GRID2: variants seen among roughly 807,000 people sequenced by gnomAD.
GRID2 encodes glutamate ionotropic receptor delta type subunit 2.
GRID2 carries 33 observed loss-of-function variants against 114.8 expected under a neutral mutation model. The observed-to-expected ratio is 0.29, with a 90% CI of 0.22 to 0.38. The LOEUF is 0.38. GRID2 is among the 10% of genes least tolerant of loss of function. The probability of loss-of-function intolerance (pLI) is 1.00; values close to 1 mark genes in which losing one functional copy is unlikely to be tolerated. For missense variants in GRID2, 1,184 were observed against 1,257.7 expected, an observed-to-expected ratio of 0.94 and a Z score of 0.89; for synonymous variants, 505 against 449.9, an observed-to-expected ratio of 1.12 and a Z score of -1.55.
chr4:92,707,627 T>A (rs1735015507), intron 2 of GRID2, among the ~76,000 whole-genome samples: 1 of 152,146 alleles, frequency 6.6e-6, no homozygotes, highest in Admixed American at 6.5e-5. Context: ...AAAGAGGCAT[T>A]TGAGAGGAAG....
At chr4:93,042,203 G>A (rs1030462303) in intron 2 of GRID2, among the ~76,000 whole-genome samples, 4 of 149,992 alleles carry the variant, frequency 2.7e-5, no homozygotes, top group East Asian at 4.0e-4. Flanking sequence ...GCACCCGGCC[G>A]AAATATACAT....
chr4:93,235,271 T>A (rs1402130173), intron 7 of GRID2, among the ~76,000 whole-genome samples: 1 of 152,184 alleles, frequency 6.6e-6, no homozygotes, highest in Non-Finnish European at 1.5e-5. Context: ...AGGTTTACTC[T>A]GGCAGCAATT....
chr4:93,512,721 G>A (rs1270009342), intron 12 of GRID2, among the ~76,000 whole-genome samples: 1 of 152,126 alleles, frequency 6.6e-6, no homozygotes, highest in Non-Finnish European at 1.5e-5. Context: ...AACACCAGGA[G>A]CTTCACATGG....
intron 13 of GRID2, among the ~76,000 whole-genome samples, chr4:93,527,993 G>T (rs1398982743): frequency 1.3e-5 from 2 of 151,894 alleles, no homozygotes; most frequent in Admixed American, 1.3e-4. Context: ...TCTTCACTTA[G>T]CATAATGTCC....
intron 8 of GRID2, among the ~76,000 whole-genome samples, chr4:93,362,811 A>G (rs1277959627): frequency 1.3e-5 from 2 of 152,174 alleles, no homozygotes; most frequent in Non-Finnish European, 2.9e-5. Flanking sequence ...GTGCCTGTGA[A>G]TCCCAGTAGT....
intron 2 of GRID2, among the ~76,000 whole-genome samples, chr4:92,642,226 T>A: frequency 6.6e-6 from 1 of 151,810 alleles, no homozygotes; most frequent in East Asian, 1.9e-4. Flanking sequence ...TCCAAATTGC[T>A]ATCTACAGTG....
intron 2 of GRID2, among the ~76,000 whole-genome samples, chr4:92,875,330 A>T (rs1039082101): frequency 5.9e-5 from 9 of 151,566 alleles, no homozygotes; most frequent in African/African-American, 2.2e-4. Flanking sequence ...CACCCGGCTA[A>T]TTTTTTTCTA....
intron 2 of GRID2, among the ~76,000 whole-genome samples, chr4:92,730,529 T>C (rs1736282102): frequency 6.6e-6 from 1 of 152,022 alleles, no homozygotes; most frequent in South Asian, 2.1e-4. Context: ...ATTTACAATA[T>C]GATCTCAAAC....
At chr4:93,030,447 C>T (rs1840716) in intron 2 of GRID2, among the ~76,000 whole-genome samples, 1 of 150,194 alleles carries the variant, frequency 6.7e-6, no homozygotes, top group Non-Finnish European at 1.5e-5. Flanking sequence ...TGCCATGGCT[C>T]AATCTCAGCT....
intron 2 of GRID2, among the ~76,000 whole-genome samples, chr4:92,732,034 T>C (rs988614220): frequency 8.6e-5 from 13 of 151,868 alleles, no homozygotes; most frequent in African/African-American, 3.1e-4. Flanking sequence ...TATTTAAAAA[T>C]GGGGAAGATA....
At chr4:93,249,172 A>G (rs1344421923) in intron 8 of GRID2, among the ~76,000 whole-genome samples, 1 of 152,208 alleles carries the variant, frequency 6.6e-6, no homozygotes, top group African/African-American at 2.4e-5. Context: ...GTCAAAGATT[A>G]GATGACTGTA....
At chr4:92,619,895 C>CTTTTT (rs538099604) in intron 2 of GRID2, among the ~76,000 whole-genome samples, 2 of 151,324 alleles carry the variant, frequency 1.3e-5, no homozygotes, top group Non-Finnish European at 1.5e-5. Context: ...GTTACACATG[C>CTTTTT]CTTTTTTTTT....
In GRID2 at chr4:92,797,459, A is replaced by G. The variant is rs546417501; in HGVS notation, c.244+207173A>G. 5.9e-5 allele frequency among the ~76,000 whole-genome samples: 9 copies of G among 152,100 alleles called. No individual in the cohort carries two copies. In the South Asian group the frequency reaches 1.9e-3, roughly 31 times the overall value. ...TTGTGGTTTAATACTAGATCTTTACATTTGTTTACATTTCTTTGGACTGCA... is the reference window on the plus strand; with the variant it reads ...TTGTGGTTTAATACTAGATCTTTACGTTTGTTTACATTTCTTTGGACTGCA... On this transcript the variant is annotated intron_variant, in intron 2 of 15. Transcript: ENST00000282020.
At chr4:92,517,606 A>G (rs573102944) in intron 1 of GRID2, among the ~76,000 whole-genome samples, 2 of 152,016 alleles carry the variant, frequency 1.3e-5, no homozygotes, top group African/African-American at 4.8e-5. Flanking sequence ...AAATAGTTGA[A>G]CCAAAAAATG....
At chr4:93,350,593 C>CA (rs1560527599) in intron 8 of GRID2, among the ~76,000 whole-genome samples, 10 of 151,814 alleles carry the variant, frequency 6.6e-5, no homozygotes, top group African/African-American at 1.4e-4. Context: ...TAAAAAAAAT[C>CA]CCTCCCTGCC....
chr4:93,173,156 T>C (rs1459363569), intron 4 of GRID2, among the ~76,000 whole-genome samples: 5 of 152,222 alleles, frequency 3.3e-5, no homozygotes, highest in Non-Finnish European at 5.9e-5. Context: ...TGAATTGATT[T>C]TCTTAATGTG....
At chr4:93,391,254 A>G (rs989422802) in intron 8 of GRID2, among the ~76,000 whole-genome samples, 2 of 152,148 alleles carry the variant, frequency 1.3e-5, no homozygotes, top group Admixed American at 1.3e-4. Context: ...AAACATTCCA[A>G]TTTACTTCTA....
chr4:92,452,147 A>T (rs1346382470), intron 1 of GRID2, among the ~76,000 whole-genome samples: 1 of 152,304 alleles, frequency 6.6e-6, no homozygotes, highest in Non-Finnish European at 1.5e-5. Flanking sequence ...CTACCATTAT[A>T]TACTTGGCTA....
chr4:93,591,200 G>A (rs541210008), intron 13 of GRID2, among the ~76,000 whole-genome samples: 1 of 150,490 alleles, frequency 6.6e-6, no homozygotes, highest in East Asian at 2.0e-4. Flanking sequence ...GTTTGTCATA[G>A]ATAGCTCTTA....
Sources: allele counts gnomAD v4.1 joint callset (sites outside exome capture counted in the v4.1 genomes callset), GRCh38; gene constraint gnomAD v4.1.1; transcripts MANE v1.5; gene names NCBI Gene and HGNC (gene_info 2026-07-23, HGNC 2026-07-21).